Variants in IRAK1BP1 observed in about 807,000 individuals in gnomAD.
IRAK1BP1 encodes interleukin 1 receptor associated kinase 1 binding protein 1.
Under a neutral mutation model 28.0 loss-of-function variants are expected in IRAK1BP1, and 24 were observed. The ratio of observed to expected loss-of-function variants is 0.86; its 90% confidence interval spans 0.62 to 1.20. The LOEUF (loss-of-function observed/expected upper bound fraction) is 1.20. Ranked by LOEUF, IRAK1BP1 falls within the 50% of genes most tolerant of loss-of-function variation. IRAK1BP1 has a pLI of 0.00. For missense variants in IRAK1BP1, 336 were observed against 316.7 expected (o/e 1.06, Z -0.46); for synonymous variants, 131 against 116.3 (o/e 1.13, Z -0.81).
chr6:78,891,483 C>T (rs1205452038), intron 2 of IRAK1BP1, among the ~76,000 whole-genome samples: 5 of 144,112 alleles, frequency 3.5e-5, no homozygotes, highest in East Asian at 2.0e-4. Flanking sequence ...TTTTTTGAGA[C>T]GAAGTCTCAC....
At chr6:78,912,665 C>A (rs999574574) in intron 4 of IRAK1BP1, among the ~76,000 whole-genome samples, 1 of 152,144 alleles carries the variant, frequency 6.6e-6, no homozygotes, top group South Asian at 2.1e-4. Flanking sequence ...ACCATGTCTA[C>A]TGGCAACAGA....
At chr6:78,956,963 A>G in the IRAK1BP1 span, 9 of 152,198 alleles carry the variant, frequency 5.9e-5, no homozygotes, top group Non-Finnish European at 8.8e-5. Context: ...ATTTTGCCAA[A>G]TAACTCAATT....
At chr6:78,911,461 G>T (rs779974025) in intron 4 of IRAK1BP1, among the ~76,000 whole-genome samples, 10 of 152,082 alleles carry the variant, frequency 6.6e-5, no homozygotes, top group Non-Finnish European at 1.2e-4. Context: ...CATCCCCATT[G>T]CCTCACCAGT....
chr6:78,902,022 C>T lies in IRAK1BP1; in HGVS notation c.*3688C>T, dbSNP rs187312668. 6 of 152,260 alleles carry T rather than the reference C, an allele frequency of 3.9e-5. No individual in the cohort carries two copies. The East Asian group carries it at 1.2e-3, about 29-fold the overall frequency. 9.4% of individuals were successfully genotyped at this position (152,260 alleles called of 1,614,324 possible). ...GTGGGAGTTACTATATGATTATCTG[C>T]ATTACAAAATGAAAGCAAATGCTTT... On this transcript the variant is annotated 3_prime_UTR_variant, in exon 4 of 4. Coordinates refer to ENST00000369940, the MANE Select transcript of IRAK1BP1 (RefSeq NM_001010844.4).
chr6:78,895,826 C>T (rs1215953328), intron 2 of IRAK1BP1, among the ~76,000 whole-genome samples: 1 of 152,054 alleles, frequency 6.6e-6, no homozygotes, highest in African/African-American at 2.4e-5. Context: ...CGATCAGGTA[C>T]AAATCAAAGA....
intron 4 of IRAK1BP1, chr6:78,945,369 G>A (rs764056825): frequency 8.1e-6 from 13 of 1,613,618 alleles, no homozygotes; most frequent in South Asian, 4.4e-5. Flanking sequence ...TTCATTTTAC[G>A]TTTGACTGGC....
intron 4 of IRAK1BP1, among the ~76,000 whole-genome samples, chr6:78,917,145 A>G (rs1772581699): frequency 6.6e-6 from 1 of 152,134 alleles, no homozygotes; most frequent in South Asian, 2.1e-4. Flanking sequence ...AATGATATCC[A>G]AGACAAGGTT....
the IRAK1BP1 span, chr6:78,955,992 C>T: frequency 5.4e-6 from 1 of 185,814 alleles, no homozygotes; most frequent in Admixed American, 6.1e-5. Context: ...TTCTTGTCTT[C>T]CAACTCTTTC....
chr6:78,954,752 C>T, the IRAK1BP1 span: 2 of 992,128 alleles, frequency 2.0e-6, no homozygotes, highest in South Asian at 1.7e-5. Flanking sequence ...AAATAGCCAA[C>T]TGTCATGTAA....
At chr6:78,942,230 C>A (rs981188338) in intron 4 of IRAK1BP1, among the ~76,000 whole-genome samples, 5 of 152,178 alleles carry the variant, frequency 3.3e-5, no homozygotes, top group Non-Finnish European at 1.5e-5. Flanking sequence ...CGATTATAAT[C>A]CCAGCACTCT....
intron 4 of IRAK1BP1, among the ~76,000 whole-genome samples, chr6:78,934,319 T>A (rs1348249732): frequency 6.6e-6 from 1 of 152,216 alleles, no homozygotes; most frequent in Non-Finnish European, 1.5e-5. Context: ...ATGTGACACA[T>A]GAAGTTATCA....
the IRAK1BP1 span, chr6:78,970,973 A>G: frequency 1.9e-5 from 16 of 831,688 alleles, no homozygotes; most frequent in Non-Finnish European, 3.8e-6. Flanking sequence ...TGCAAAGAGA[A>G]AATCTAATGC....
intron 2 of IRAK1BP1, among the ~76,000 whole-genome samples, chr6:78,894,988 A>G (rs1323609853): frequency 1.3e-5 from 2 of 151,928 alleles, no homozygotes; most frequent in East Asian, 3.9e-4. Flanking sequence ...CACACCTGTA[A>G]TCCCAGCTAC....
At chr6:78,976,113 G>A in the IRAK1BP1 span, among the ~76,000 whole-genome samples, 5 of 150,314 alleles carry the variant, frequency 3.3e-5, no homozygotes, top group Admixed American at 3.3e-4. Flanking sequence ...CACACTACCT[G>A]ACTTCAAACT....
At chr6:78,931,847 C>G (rs1430381489) in intron 4 of IRAK1BP1, among the ~76,000 whole-genome samples, 1 of 152,132 alleles carries the variant, frequency 6.6e-6, no homozygotes, top group Non-Finnish European at 1.5e-5. Context: ...CTGAAGTATG[C>G]TGCATCCATT....
At chr6:78,923,753 G>C (rs924018378) in intron 4 of IRAK1BP1, among the ~76,000 whole-genome samples, 5 of 152,122 alleles carry the variant, frequency 3.3e-5, no homozygotes, top group African/African-American at 9.7e-5. Flanking sequence ...TAGAACTCAG[G>C]ATTAAGAAAC....
At chr6:78,905,444 T>C (rs1772236841), downstream of IRAK1BP1, among the ~76,000 whole-genome samples, 1 of 152,170 alleles carries the variant, frequency 6.6e-6, no homozygotes. Context: ...TTACTGCTTC[T>C]CTATGTGTGA....
chr6:78,934,882 A>T (rs900359779), intron 4 of IRAK1BP1, among the ~76,000 whole-genome samples: 3 of 152,168 alleles, frequency 2.0e-5, no homozygotes, highest in Non-Finnish European at 4.4e-5. Context: ...ATGTCTAACC[A>T]ATTAGGTAGA....
the IRAK1BP1 span, chr6:78,969,992 T>C: frequency 6.3e-7 from 1 of 1,598,728 alleles, no homozygotes; most frequent in Non-Finnish European, 8.5e-7. Flanking sequence ...TGTATCTGAA[T>C]CTTGAAAAAC....
Sources: gnomAD v4.1 joint callset for allele counts (sites outside exome capture counted in the v4.1 genomes callset) on GRCh38, gnomAD v4.1.1 for gene constraint, MANE v1.5 for transcripts, NCBI Gene and HGNC (gene_info 2026-07-23, HGNC 2026-07-21) for gene names.